The following THSD4 variants were observed in gnomAD, a reference collection of about 807,000 sequenced individuals.
The protein encoded by THSD4 is thrombospondin type 1 domain containing 4.
In THSD4, 69 loss-of-function variants were observed where a neutral mutation model predicts 119.0. The observed-to-expected ratio is 0.58, with a 90% confidence interval of 0.48 to 0.71. The LOEUF (loss-of-function observed/expected upper bound fraction) is 0.71. Among genes scored for constraint, THSD4 ranks in the 30% least tolerant of loss-of-function variants. The probability of loss-of-function intolerance (pLI) is 0.00; values close to 1 mark genes in which losing one functional copy is unlikely to be tolerated. For missense variants in THSD4, 1,393 were observed against 1,391.1 expected, an observed-to-expected ratio of 1.00 and a Z score of -0.02; for synonymous variants, 524 against 540.4, an observed-to-expected ratio of 0.97 and a Z score of 0.42.
chr15:71,171,701 G>A (rs1333066634), intron 3 of THSD4, among the ~76,000 whole-genome samples: 4 of 152,152 alleles, frequency 2.6e-5, no homozygotes, highest in Admixed American at 2.6e-4. Context: ...TTTATAATAT[G>A]TGTATAAGTA....
intron 7 of THSD4, among the ~76,000 whole-genome samples, chr15:71,584,256 CACTTTCTTTTTTTTTTTTTTTTTTTTTTT>C (rs1395950757): frequency 3.0e-5 from 2 of 66,222 alleles, no homozygotes; most frequent in Non-Finnish European, 4.0e-5. Flanking sequence ...TTTTTTTTTT[CACTTTCTTTTTTTTTTTTTTTTTTTTTTT>C]GAGACAATGT....
chr15:71,432,236 T>C (rs566976205), intron 7 of THSD4, among the ~76,000 whole-genome samples: 1 of 152,314 alleles, frequency 6.6e-6, no homozygotes, highest in South Asian at 2.1e-4. Context: ...CTCTGGACCT[T>C]CCAAAGGCCC....
At chr15:71,591,276 C>A (rs954681147) in intron 7 of THSD4, among the ~76,000 whole-genome samples, 1 of 152,160 alleles carries the variant, frequency 6.6e-6, no homozygotes, top group Non-Finnish European at 1.5e-5. Context: ...TTCGGAATTG[C>A]AATTGGCTGT....
At chr15:71,385,319 C>G (rs1002016623) in intron 6 of THSD4, among the ~76,000 whole-genome samples, 2 of 152,168 alleles carry the variant, frequency 1.3e-5, no homozygotes, top group African/African-American at 4.8e-5. Context: ...CACCTGGTTG[C>G]CTGGTGTTCC....
chr15:71,440,120 G>A (rs1314435843), intron 7 of THSD4, among the ~76,000 whole-genome samples: 1 of 151,970 alleles, frequency 6.6e-6, no homozygotes, highest in Non-Finnish European at 1.5e-5. Flanking sequence ...TCACCCAAAT[G>A]GACTAAGGAA....
chr15:71,745,207 C>T lies in THSD4; in HGVS notation c.2008C>T (p.Pro670Ser), dbSNP rs868569048. 8.1e-6 allele frequency: 13 copies of T among 1,613,662 alleles called. No individual in the cohort carries two copies. The African/African-American group carries it at 1.7e-4, about 22-fold the overall frequency. The stretch of plus-strand genomic sequence containing the variant: ...CATGAAGCCGACCCCCGAGGAGGAG[C>T]CCTGCAACATCTTCCCTTGCCCAGC... ...SSMKPTPEEE[P>S]CNIFPCPAFW... The change falls in exon 12 of 18, where the codon CCC becomes TCC. Residue 670 changes from proline to serine, a missense_variant. By Grantham distance (74) the Pro-to-Ser change is moderately conservative (BLOSUM62 -1). Transcript: ENST00000261862.
rs556412033 is a variant in THSD4, at chr15:71,416,941, AAT to A, written c.1152+5120_1152+5121del. ...ACCCAGCTAATTTTTTTGTATTTTT[AAT>A]AGAGTCGGGGTTTCACCATGTTAGC... On this transcript the variant is annotated intron_variant, in intron 7 of 17. Coordinates refer to ENST00000261862, the MANE Select transcript of THSD4 (RefSeq NM_024817.3). Among the ~76,000 whole-genome samples, 736 of 103,830 alleles carry A rather than the reference AAT, an allele frequency of 7.1e-3. 195 individuals are homozygous for A. The highest frequency in any genetic ancestry group is 0.023 in the African/African-American group (696 of 30,236). The allele number at this position is 103,830 out of a possible 152,430, so 68.1% of individuals were successfully genotyped here. A position where few individuals can be genotyped will look rare whatever the true frequency, so the allele number is the denominator to read the frequency against.
In THSD4 at chr15:71,619,174, G is replaced by C. The variant is rs141388827; in HGVS notation, c.1153-41356G>C. On this transcript the variant is annotated intron_variant, in intron 7 of 17. Coordinates refer to ENST00000261862, the MANE Select transcript of THSD4 (RefSeq NM_024817.3). ...TTTAGTGGAGATGGGGTTTCACCATGTTGGCCAGGCTGGTCTTGAACTCCT... is the reference window on the plus strand; with the variant it reads ...TTTAGTGGAGATGGGGTTTCACCATCTTGGCCAGGCTGGTCTTGAACTCCT... 4.2e-4 allele frequency among the ~76,000 whole-genome samples: 64 copies of C among 151,938 alleles called. No homozygotes were observed. In the East Asian group the frequency reaches 0.012, roughly 29 times the overall value.
intron 8 of THSD4, among the ~76,000 whole-genome samples, chr15:71,675,518 T>A (rs890745053): frequency 6.6e-6 from 1 of 152,074 alleles, no homozygotes; most frequent in African/African-American, 2.4e-5. Context: ...TCGTGCTGGC[T>A]CTCCTGAGGC....
chr15:71,174,608 C>G (rs4777335), intron 3 of THSD4, among the ~76,000 whole-genome samples: 14,660 of 27,478 alleles, frequency 0.53, 5,369 homozygotes, highest in East Asian at 0.99. Context: ...CAAAGCAGCC[C>G]GGAAGCTCGA....
At chr15:71,369,889 G>A (rs2046019545) in intron 6 of THSD4, among the ~76,000 whole-genome samples, 2 of 152,126 alleles carry the variant, frequency 1.3e-5, no homozygotes, top group African/African-American at 4.8e-5. Context: ...GGTAGAATTC[G>A]GCTGTGAATC....
At chr15:71,693,632 A>C (rs888880998) in intron 8 of THSD4, among the ~76,000 whole-genome samples, 11 of 152,202 alleles carry the variant, frequency 7.2e-5, no homozygotes, top group Admixed American at 6.5e-4. Flanking sequence ...TCTCCACCCA[A>C]ATCTCACCTT....
chr15:71,550,852 G>A (rs944384280), intron 7 of THSD4, among the ~76,000 whole-genome samples: 2 of 152,206 alleles, frequency 1.3e-5, no homozygotes, highest in Admixed American at 6.5e-5. Flanking sequence ...TTAGGTAGTG[G>A]TGATGGTTGC....
intron 3 of THSD4, among the ~76,000 whole-genome samples, chr15:71,158,094 C>G (rs1409562504): frequency 6.6e-6 from 1 of 151,372 alleles, no homozygotes; most frequent in Non-Finnish European, 1.5e-5. Flanking sequence ...AATTTACAGT[C>G]CTACCCACAG....
chr15:71,278,351 C>T (rs1354288480), intron 6 of THSD4, among the ~76,000 whole-genome samples: 2 of 152,170 alleles, frequency 1.3e-5, no homozygotes, highest in Admixed American at 6.5e-5. Flanking sequence ...ATGCACTATA[C>T]ATTTTTGTAC....
At chr15:71,272,938 G>A (rs1331093081) in intron 6 of THSD4, among the ~76,000 whole-genome samples, 3 of 152,132 alleles carry the variant, frequency 2.0e-5, no homozygotes, top group Non-Finnish European at 4.4e-5. Context: ...TTTGTCTACC[G>A]TTGGTGGGAA....
At chr15:71,605,042 A>G (rs1297516000) in intron 7 of THSD4, among the ~76,000 whole-genome samples, 1 of 152,052 alleles carries the variant, frequency 6.6e-6, no homozygotes. Context: ...GGTGGTTGCC[A>G]TGTAAACAAA....
chr15:71,399,197 TACCA>T (rs2046490880), intron 6 of THSD4, among the ~76,000 whole-genome samples: 1 of 152,132 alleles, frequency 6.6e-6, no homozygotes, highest in Non-Finnish European at 1.5e-5. Context: ...CTCTACCACT[TACCA>T]ACCATGTGGT....
intron 3 of THSD4, chr15:71,188,815 C>A (rs966347159): frequency 6.6e-6 from 1 of 152,606 alleles, no homozygotes; most frequent in Non-Finnish European, 1.5e-5. Context: ...GATACACTTA[C>A]AGGAGCAGGC....
Sources: gnomAD v4.1 joint callset for allele counts (sites outside exome capture counted in the v4.1 genomes callset) on GRCh38, gnomAD v4.1.1 for gene constraint, MANE v1.5 for transcripts, NCBI Gene and HGNC (gene_info 2026-07-23, HGNC 2026-07-21) for gene names.